The following DAB1 variants were observed in gnomAD, a reference collection of about 807,000 sequenced individuals.
DAB1 encodes the protein disabled homolog 1.
In DAB1, 15 loss-of-function variants were observed where a neutral mutation model predicts 64.6. That is an observed-to-expected ratio of 0.23 (90% confidence interval 0.16 to 0.36). DAB1 has a LOEUF of 0.36. Ranked by LOEUF, DAB1 falls within the 10% of genes least tolerant of loss-of-function variation. The pLI is 1.00. For synonymous variants in DAB1, 235 were observed against 251.9 expected (o/e 0.93, Z 0.64); for missense variants, 596 against 706.7 (o/e 0.84, Z 1.78).
chr1:57,035,917 A>G (rs1396658126), intron 9 of DAB1, among the ~76,000 whole-genome samples: 1 of 127,942 alleles, frequency 7.8e-6, no homozygotes, highest in African/African-American at 3.1e-5. Context: ...ATGTTGGCTC[A>G]CTGCAACCGT....
chr1:57,991,368 G>T (rs1048487060), intron 5 of DAB1, among the ~76,000 whole-genome samples: 1 of 152,138 alleles, frequency 6.6e-6, no homozygotes, highest in Admixed American at 6.5e-5. Flanking sequence ...AATTCAACAA[G>T]CATCGACTAA....
intron 5 of DAB1, among the ~76,000 whole-genome samples, chr1:57,969,132 T>C (rs1645736321): frequency 6.6e-6 from 1 of 152,162 alleles, no homozygotes; most frequent in South Asian, 2.1e-4. Flanking sequence ...GCAAAACTAA[T>C]TTAAGAATTT....
chr1:57,968,067 G>A (rs1645711468), intron 5 of DAB1, among the ~76,000 whole-genome samples: 1 of 152,148 alleles, frequency 6.6e-6, no homozygotes, highest in South Asian at 2.1e-4. Flanking sequence ...CTAGGACTCA[G>A]CAGATGCCGA....
intron 6 of DAB1, among the ~76,000 whole-genome samples, chr1:57,796,539 G>GATAATAATAATAATAATA (rs112123311): frequency 1.4e-4 from 20 of 146,882 alleles, no homozygotes; most frequent in African/African-American, 4.9e-4. Flanking sequence ...TAATAACAAT[G>GATAATAATAATAATAATA]ATAATAATAA....
At chr1:57,931,539 C>T (rs920127211) in intron 5 of DAB1, among the ~76,000 whole-genome samples, 5 of 152,110 alleles carry the variant, frequency 3.3e-5, no homozygotes, top group Non-Finnish European at 5.9e-5. Flanking sequence ...AAATATAGGC[C>T]TACTTGGATC....
chr1:58,449,545 C>T (rs925839756), intron 3 of DAB1, among the ~76,000 whole-genome samples: 5 of 152,212 alleles, frequency 3.3e-5, no homozygotes, highest in Non-Finnish European at 7.3e-5. Context: ...GAGGAGTCCT[C>T]GTGCTCCACT....
chr1:57,610,099 T>C (rs1056536253), intron 7 of DAB1, among the ~76,000 whole-genome samples: 10 of 152,190 alleles, frequency 6.6e-5, no homozygotes, highest in Non-Finnish European at 1.3e-4. Flanking sequence ...TGAACTGTGT[T>C]GCTGTTGATC....
intron 5 of DAB1, among the ~76,000 whole-genome samples, chr1:58,025,704 TTAGAG>T (rs1332889796): frequency 4.4e-5 from 6 of 136,980 alleles, no homozygotes; most frequent in Admixed American, 7.6e-5. Flanking sequence ...AATCATAAAT[TTAGAG>T]TAAAGTTATT....
intron 7 of DAB1, among the ~76,000 whole-genome samples, chr1:57,504,769 AAG>A (rs1444303700): frequency 6.6e-6 from 1 of 152,224 alleles, no homozygotes; most frequent in Non-Finnish European, 1.5e-5. Flanking sequence ...CCAGGTGATC[AAG>A]CTCAACATCA....
At chr1:58,541,407 C>T (rs1646612685) in intron 1 of DAB1, 2 of 144,732 alleles carry the variant, frequency 1.4e-5, no homozygotes, top group South Asian at 4.4e-4. Context: ...CAAACTAATC[C>T]ATAGTGACAG....
intron 5 of DAB1, among the ~76,000 whole-genome samples, chr1:58,144,063 AT>A (rs1306739547): frequency 1.3e-5 from 2 of 152,192 alleles, no homozygotes; most frequent in Non-Finnish European, 2.9e-5. Context: ...TGCTAGAACT[AT>A]TGATGGAAGA....
intron 5 of DAB1, among the ~76,000 whole-genome samples, chr1:57,893,252 A>G (rs1351449765): frequency 6.6e-6 from 1 of 152,166 alleles, no homozygotes; most frequent in Non-Finnish European, 1.5e-5. Flanking sequence ...CCTGTTCAGG[A>G]GCCTGAAAGA....
At chr1:57,550,481 C>G (rs968439064) in intron 7 of DAB1, among the ~76,000 whole-genome samples, 1 of 152,048 alleles carries the variant, frequency 6.6e-6, no homozygotes, top group Non-Finnish European at 1.5e-5. Context: ...GTATTCACAC[C>G]TTCAGATCTT....
At chr1:58,016,480 C>T (rs1277677303) in intron 5 of DAB1, among the ~76,000 whole-genome samples, 1 of 152,152 alleles carries the variant, frequency 6.6e-6, no homozygotes, top group African/African-American at 2.4e-5. Flanking sequence ...CCTGCTGAAC[C>T]CCAGATACAT....
At chr1:57,922,693 A>G (rs1174062024) in intron 5 of DAB1, among the ~76,000 whole-genome samples, 3 of 151,872 alleles carry the variant, frequency 2.0e-5, no homozygotes, top group Admixed American at 1.3e-4. Flanking sequence ...AAAATACAAA[A>G]AAAATAGCTG....
At chr1:58,060,470 T>A (rs973239997) in intron 5 of DAB1, among the ~76,000 whole-genome samples, 3 of 152,210 alleles carry the variant, frequency 2.0e-5, no homozygotes, top group African/African-American at 7.2e-5. Flanking sequence ...TCGCCTCACA[T>A]TTCTGAGCTC....
chr1:58,196,721 T>A (rs1435982618), intron 4 of DAB1, among the ~76,000 whole-genome samples: 3 of 152,204 alleles, frequency 2.0e-5, no homozygotes, highest in Non-Finnish European at 4.4e-5. Flanking sequence ...CTGCCACTTA[T>A]AAACCATCAG....
chr1:57,391,766 AACACACAC>A (rs57332880), intron 1 of DAB1, among the ~76,000 whole-genome samples: 1,005 of 94,624 alleles, frequency 0.011, 7 homozygotes, highest in Middle Eastern at 0.04. Context: ...CAGAGGAATA[AACACACAC>A]ACACACACAC....
chr1:57,803,209 C>T (rs1329980737), intron 6 of DAB1, among the ~76,000 whole-genome samples: 3 of 152,226 alleles, frequency 2.0e-5, no homozygotes, highest in African/African-American at 4.8e-5. Context: ...GATGCCACAT[C>T]GTTACTTGCA....
Sources: gnomAD v4.1 joint callset for allele counts (sites outside exome capture counted in the v4.1 genomes callset) on GRCh38, gnomAD v4.1.1 for gene constraint, MANE v1.5 for transcripts, NCBI Gene and HGNC (gene_info 2026-07-23, HGNC 2026-07-21) for gene names.